ZC4H2: variants seen among roughly 807,000 people sequenced by gnomAD.
ZC4H2 encodes the protein zinc finger C4H2-type containing, also known as zinc finger C4H2 domain-containing protein.
For missense variants in ZC4H2, 137 were observed against 173.9 expected (o/e 0.79, Z 1.19); for synonymous variants, 84 against 66.3 (o/e 1.27, Z -1.30).
At chrX:64,923,750 G>A (rs963967261) in intron 1 of ZC4H2, among the ~76,000 whole-genome samples, 12 of 108,591 alleles carry the variant, frequency 1.1e-4, no homozygotes, top group Admixed American at 6.0e-4. Context: ...GTAGAGAAGG[G>A]AATTGAGTGA....
At chrX:64,924,234 A>G (rs1929331871) in intron 1 of ZC4H2, among the ~76,000 whole-genome samples, 1 of 112,410 alleles carries the variant, frequency 8.9e-6, no homozygotes, top group Non-Finnish European at 1.9e-5. Context: ...TCAGACTTCA[A>G]TTATAAATCC....
chrX:64,924,595 G>C (rs996210567), intron 1 of ZC4H2, among the ~76,000 whole-genome samples: 2 of 111,764 alleles, frequency 1.8e-5, no homozygotes, highest in African/African-American at 6.5e-5. Context: ...ATAGGGTAAA[G>C]GGGACAGTCA....
At chrX:64,965,949 CAAAAAA>C (rs148777993) in intron 1 of ZC4H2, among the ~76,000 whole-genome samples, 4 of 37,586 alleles carry the variant, frequency 1.1e-4, no homozygotes, top group African/African-American at 1.5e-4. Flanking sequence ...AACAAAGAAG[CAAAAAA>C]AAAAAAAAAA....
intron 1 of ZC4H2, among the ~76,000 whole-genome samples, chrX:64,946,191 T>G (rs1373742956): frequency 9.0e-6 from 1 of 111,453 alleles, no homozygotes; most frequent in African/African-American, 3.3e-5. Flanking sequence ...TAGCTCAGTG[T>G]CTACCCAAAC....
intron 1 of ZC4H2, among the ~76,000 whole-genome samples, chrX:65,012,240 A>T (rs1447946119): frequency 8.5e-5 from 9 of 106,299 alleles, no homozygotes; most frequent in Non-Finnish European, 1.6e-4. Flanking sequence ...AAAAAAAAAA[A>T]AAAAAAGAAA....
intron 1 of ZC4H2, among the ~76,000 whole-genome samples, chrX:64,936,038 G>A (rs1435802209): frequency 9.1e-6 from 1 of 109,819 alleles, no homozygotes; most frequent in Non-Finnish European, 1.9e-5. Context: ...AAGGTTAGAG[G>A]AATTGCTAAC....
chrX:65,031,780 GC>G (rs1331064666), intron 1 of ZC4H2, among the ~76,000 whole-genome samples: 1 of 111,784 alleles, frequency 8.9e-6, no homozygotes, highest in Non-Finnish European at 1.9e-5. Context: ...TAATGTAGGA[GC>G]CCATCTCAAG....
intron 1 of ZC4H2, among the ~76,000 whole-genome samples, chrX:64,951,941 G>C (rs1230242090): frequency 4.5e-5 from 5 of 111,238 alleles, no homozygotes; most frequent in Non-Finnish European, 9.4e-5. Context: ...TAGGTCTAAC[G>C]TTTAAGTCTT....
chrX:65,007,479 T>C (rs1159086874), intron 1 of ZC4H2, among the ~76,000 whole-genome samples: 3 of 112,534 alleles, frequency 2.7e-5, no homozygotes, highest in Non-Finnish European at 5.6e-5. Flanking sequence ...GCAGGCACAG[T>C]CATTTTTTAA....
chrX:64,965,018 A>G (rs1931537823), intron 1 of ZC4H2, among the ~76,000 whole-genome samples: 1 of 112,097 alleles, frequency 8.9e-6, no homozygotes, highest in South Asian at 3.7e-4. Flanking sequence ...AATAAGTTAA[A>G]TGGAATCATA....
At chrX:64,961,607 G>T (rs973449449) in intron 1 of ZC4H2, among the ~76,000 whole-genome samples, 7 of 109,160 alleles carry the variant, frequency 6.4e-5, no homozygotes, top group South Asian at 3.8e-4. Flanking sequence ...GCCAAATAAA[G>T]AATCAAATTT....
At chrX:64,927,319 C>A (rs181871408) in intron 1 of ZC4H2, among the ~76,000 whole-genome samples, 1 of 108,967 alleles carries the variant, frequency 9.2e-6, no homozygotes, top group East Asian at 2.9e-4. Context: ...GTGTGATGTT[C>A]CCCTCCCTGT....
chrX:65,009,608 T>A (rs1932726691), intron 1 of ZC4H2, among the ~76,000 whole-genome samples: 1 of 111,990 alleles, frequency 8.9e-6, no homozygotes, highest in Non-Finnish European at 1.9e-5. Flanking sequence ...ATAAAGGTAA[T>A]GTTTCCCTGC....
At position 65,016,464 on chromosome X, in the gene ZC4H2, T is replaced by C. The variant is rs1027302510; in HGVS notation, c.-272+18165A>G. 2.7e-5 allele frequency among the ~76,000 whole-genome samples: 3 copies of C among 112,241 alleles called. No individual in the cohort carries two copies. The East Asian group carries it at 8.3e-4, about 31-fold the overall frequency. ...TGTTGTAATAATATAACAACTCTTG[T>C]TGCAACCATGTAGGTTGTAGGATGC... On this transcript the variant is annotated intron_variant, in intron 1 of 4. Transcript: ENST00000337990.
At chrX:65,027,470 G>A (rs543086018) in intron 1 of ZC4H2, among the ~76,000 whole-genome samples, 1 of 111,519 alleles carries the variant, frequency 9.0e-6, no homozygotes, top group South Asian at 3.8e-4. Context: ...GGCAAAATTG[G>A]TGGTGGTGCA....
chrX:64,919,754 G>A, intron 3 of ZC4H2: 2 of 204,545 alleles, frequency 9.8e-6, no homozygotes, highest in Non-Finnish European at 8.9e-6. Context: ...ACCCTGACTT[G>A]GGAAATGATC....
chrX:65,031,553 A>C (rs1285149284), intron 1 of ZC4H2, among the ~76,000 whole-genome samples: 1 of 111,916 alleles, frequency 8.9e-6, no homozygotes, highest in Admixed American at 9.5e-5. Context: ...AAATGAAAAG[A>C]AGGTGAATAA....
intron 1 of ZC4H2, among the ~76,000 whole-genome samples, chrX:64,937,875 T>C (rs1602397124): frequency 9.0e-6 from 1 of 110,785 alleles, no homozygotes; most frequent in East Asian, 2.8e-4. Context: ...TGAAAAGAAC[T>C]AGAGAAGCAA....
At chrX:64,929,681 T>C (rs1419052729) in intron 1 of ZC4H2, among the ~76,000 whole-genome samples, 1 of 111,438 alleles carries the variant, frequency 9.0e-6, no homozygotes, top group Non-Finnish European at 1.9e-5. Flanking sequence ...AGGCCGTAAG[T>C]ATTTGGCCTT....
Sources: gnomAD v4.1 joint callset for allele counts (sites outside exome capture counted in the v4.1 genomes callset) on GRCh38, gnomAD v4.1.1 for gene constraint, MANE v1.5 for transcripts, NCBI Gene and HGNC (gene_info 2026-07-23, HGNC 2026-07-21) for gene names.